The following BICRA variants were observed in gnomAD, a reference collection of about 807,000 sequenced individuals.
The protein encoded by BICRA is BRD4-interacting chromatin-remodeling complex-associated protein.
BICRA carries 31 observed loss-of-function variants against 96.9 expected under a neutral mutation model. The ratio of observed to expected loss-of-function variants is 0.32; its 90% CI spans 0.24 to 0.43. BICRA has a LOEUF of 0.43. BICRA is among the 20% of genes least tolerant of loss of function. The probability of loss-of-function intolerance (pLI) is 1.00; values close to 1 mark genes in which losing one functional copy is unlikely to be tolerated. For synonymous variants in BICRA, 1,350 were observed against 1,071.8 expected, an observed-to-expected ratio of 1.26 and a Z score of -5.07; for missense variants, 2,283 against 2,190.3, an observed-to-expected ratio of 1.04 and a Z score of -0.84.
intron 9 of BICRA, 23 bp from the exon 10 acceptor site, chr19:47,695,342 T>TCGGGCCCCCCCCCCCCCCCCCCCCC: frequency 3.2e-6 from 2 of 630,150 alleles, no homozygotes; most frequent in East Asian, 2.8e-5. Flanking sequence ...AGGCCCTGTC[T>TCGGGCCCCCCCCCCCCCCCCCCCCC]CCCCCACCCC....
chr19:47,644,264 A>G (rs2123539207), intron 1 of BICRA, among the ~76,000 whole-genome samples: 1 of 151,434 alleles, frequency 6.6e-6, no homozygotes, highest in East Asian at 1.9e-4. Flanking sequence ...GCCTCAAGTG[A>G]TTCTCCTGCC....
intron 7 of BICRA, among the ~76,000 whole-genome samples, chr19:47,689,987 T>A (rs764061780): frequency 6.6e-6 from 1 of 152,048 alleles, no homozygotes; most frequent in Non-Finnish European, 1.5e-5. Context: ...GGAAACAACT[T>A]GTTCACCTGT....
In BICRA at chr19:47,695,516, T is replaced by C. The variant is rs377646742; in HGVS notation, c.3186+42T>C. 3 of 938,976 alleles carry C rather than the reference T, an allele frequency of 3.2e-6. No homozygotes were observed. In the Admixed American group the frequency reaches 6.6e-5, roughly 21 times the overall value. 58.2% of individuals were successfully genotyped at this position (938,976 alleles called of 1,614,324 possible). On this transcript the variant is annotated intron_variant, in intron 10 of 14. Transcript: ENST00000594866. Reference sequence around the variant, plus strand: ...GCAGGGGTCAGGACAGGACCAGGAGTCTTCGGGAACTGGGAACTGGGGCTG... The same window carrying C: ...GCAGGGGTCAGGACAGGACCAGGAGCCTTCGGGAACTGGGAACTGGGGCTG...
chr19:47,680,436 C>T lies in BICRA; in HGVS notation c.1266C>T (p.Asn422=). ...SGFPAPALQA[N]VFKQPPATTT... ...TCCCCGCGCCTGCGCTGCAAGCGAACGTCTTCAAGCAGCCACCGGCCACCA... is the reference window on the plus strand; with the variant it reads ...TCCCCGCGCCTGCGCTGCAAGCGAATGTCTTCAAGCAGCCACCGGCCACCA... Residue 422 remains asparagine (N), a synonymous_variant, in exon 6 of 15, where the codon AAC becomes AAT. Coordinates refer to ENST00000594866, the MANE Select transcript of BICRA (RefSeq NM_001394372.1). The T allele has an allele frequency of 1.3e-6, 2 of 1,537,916 alleles. No homozygotes were observed. The highest frequency in any genetic ancestry group is 8.7e-7 in the Non-Finnish European group (1 of 1,145,998).
rs756024264 is a variant in BICRA, at chr19:47,701,885, C to T, written c.4153C>T (p.Leu1385=). ...GGGCACCGCCCCGCACTGCCCGCGCCTGCCACTGCGCAAGACCTACCGCGA... is the reference window on the plus strand; with the variant it reads ...GGGCACCGCCCCGCACTGCCCGCGCTTGCCACTGCGCAAGACCTACCGCGA... ...PLGTAPHCPR[L]PLRKTYRENV... The change falls in exon 15 of 15, where the codon CTG becomes TTG. Residue 1385 remains leucine, a synonymous_variant. Transcript: ENST00000594866. The surrounding 1 kb of genome is among the most constrained non-coding windows in gnomAD (Gnocchi z 5.4). 39 of 1,468,126 alleles carry T rather than the reference C, an allele frequency of 2.7e-5. No homozygotes were observed. The Middle Eastern group carries it at 5.7e-4, about 21-fold the overall frequency. 90.9% of individuals were successfully genotyped at this position (1,468,126 alleles called of 1,614,324 possible). A position where few individuals can be genotyped will look rare whatever the true frequency, so the allele number is the denominator to read the frequency against.
At position 47,702,671 on chromosome 19, in the gene BICRA, T is replaced by G. The variant is rs947810028; in HGVS notation, c.*256T>G. 10 of 502,604 alleles carry G rather than the reference T, an allele frequency of 2.0e-5. No individual in the cohort carries two copies. The highest frequency in any genetic ancestry group is 3.4e-5 in the Non-Finnish European group (10 of 289,920). 31.1% of individuals were successfully genotyped at this position (502,604 alleles called of 1,614,324 possible). A position where few individuals can be genotyped will look rare whatever the true frequency, so the allele number is the denominator to read the frequency against. On this transcript the variant is annotated 3_prime_UTR_variant, in exon 15 of 15. Coordinates refer to ENST00000594866, the MANE Select transcript of BICRA (RefSeq NM_001394372.1). ...AGGAGGGGCAAAGTGCTGTGTCAGT[T>G]CCTGTTTCTTCCCATTTCCTGGCAC...
At chr19:47,631,938 T>C (rs927091643) in intron 1 of BICRA, among the ~76,000 whole-genome samples, 3 of 152,230 alleles carry the variant, frequency 2.0e-5, no homozygotes, top group African/African-American at 7.2e-5. Flanking sequence ...CATGAGCTAC[T>C]GCGCCCGGCC....
Position 47,698,913 on chromosome 19 carries a change from T to G in BICRA, c.3398-52T>G. On this transcript the variant is annotated intron_variant, in intron 12 of 14. Transcript: ENST00000594866. The surrounding 1 kb of genome is among the most constrained non-coding windows in gnomAD (Gnocchi z 4.8). ...CCTGCCCCGCCCTCCTTCCTGCGCA[T>G]CCGCGGCCGCCCCCAACATCTCCGC... 3 of 1,431,396 alleles carry G rather than the reference T, an allele frequency of 2.1e-6. No individual in the cohort carries two copies. Among genetic ancestry groups the G allele is most frequent in the Non-Finnish European group, 2.9e-6 (3 of 1,036,208 alleles). 88.7% of individuals were successfully genotyped at this position (1,431,396 alleles called of 1,614,324 possible).
At chr19:47,638,781 A>G (rs1171604638) in intron 1 of BICRA, among the ~76,000 whole-genome samples, 1 of 151,908 alleles carries the variant, frequency 6.6e-6, no homozygotes. Flanking sequence ...CAGCCTCCCA[A>G]GTAGCTGGGA....
chr19:47,672,910 C>G (rs1263157005), intron 2 of BICRA, among the ~76,000 whole-genome samples: 1 of 152,056 alleles, frequency 6.6e-6, no homozygotes, highest in Non-Finnish European at 1.5e-5. Flanking sequence ...AGCGCCCCTC[C>G]TCATGAGCCC....
rs1973379006 is a variant in BICRA, at chr19:47,698,264, G to A, written c.3249-370G>A. Among the ~76,000 whole-genome samples, 1 of 152,136 alleles carries A rather than the reference G, an allele frequency of 6.6e-6. No homozygotes were observed. The highest frequency in any genetic ancestry group is 2.4e-5 in the African/African-American group (1 of 41,420). On this transcript the variant is annotated intron_variant, in intron 11 of 14. Transcript: ENST00000594866. The surrounding 1 kb of genome is among the most constrained non-coding windows in gnomAD (Gnocchi z 4.8). ...CCTTCTTCCCGAAGGCTGCACTTTGGAGGAGGCACGGTGGAGCCACACTGG... is the reference window on the plus strand; with the variant it reads ...CCTTCTTCCCGAAGGCTGCACTTTGAAGGAGGCACGGTGGAGCCACACTGG...
At chr19:47,629,163 G>A (rs949705706) in intron 1 of BICRA, among the ~76,000 whole-genome samples, 1 of 151,966 alleles carries the variant, frequency 6.6e-6, no homozygotes, top group Non-Finnish European at 1.5e-5. Context: ...CACCACGCCC[G>A]GCTAATTTTT....
At chr19:47,634,756 A>ATTTTTTTT (rs57492096) in intron 1 of BICRA, among the ~76,000 whole-genome samples, 2 of 120,296 alleles carry the variant, frequency 1.7e-5, no homozygotes, top group Non-Finnish European at 3.4e-5. Flanking sequence ...TTAAAATTAA[A>ATTTTTTTT]TTTTTTTTTT....
At chr19:47,623,888 G>C (rs373494418) in intron 1 of BICRA, among the ~76,000 whole-genome samples, 2 of 138,238 alleles carry the variant, frequency 1.4e-5, no homozygotes, top group Admixed American at 1.5e-4. Flanking sequence ...TTTAGTTCTT[G>C]TTGCCCAGGC....
At chr19:47,610,197 T>TGGA (rs574676215) in intron 1 of BICRA, among the ~76,000 whole-genome samples, 2 of 152,012 alleles carry the variant, frequency 1.3e-5, no homozygotes, top group South Asian at 4.2e-4. Flanking sequence ...GAGGGAGGGA[T>TGGA]GGAGGAGGAG....
intron 7 of BICRA, among the ~76,000 whole-genome samples, chr19:47,683,463 G>T (rs928545765): frequency 6.6e-6 from 1 of 152,084 alleles, no homozygotes; most frequent in African/African-American, 2.4e-5. Flanking sequence ...GTAAAATCTG[G>T]GTTGCTGTCA....
chr19:47,641,070 ATTTTT>A (rs71180861), intron 1 of BICRA, among the ~76,000 whole-genome samples: 4 of 104,546 alleles, frequency 3.8e-5, no homozygotes, highest in African/African-American at 7.8e-5. Flanking sequence ...TGCCTGGCTA[ATTTTT>A]TTTTTTTTTT....
At chr19:47,681,363 A>C in intron 6 of BICRA, 87 bp downstream of exon 6, 3 of 1,201,932 alleles carry the variant, frequency 2.5e-6, no homozygotes, top group Non-Finnish European at 3.5e-6. Flanking sequence ...CAAGATCCAA[A>C]AGTGGATGCC....
At chr19:47,620,648 C>T (rs770092500) in intron 1 of BICRA, among the ~76,000 whole-genome samples, 2 of 115,718 alleles carry the variant, frequency 1.7e-5, no homozygotes, top group Non-Finnish European at 3.3e-5. Context: ...TTAGCTTGGG[C>T]GACAGAGTGA....
Sources: gnomAD v4.1 joint callset for allele counts (sites outside exome capture counted in the v4.1 genomes callset) on GRCh38, gnomAD v4.1.1 for gene constraint, Gnocchi (gnomAD v3.1) non-coding constraint, MANE v1.5 for transcripts, NCBI Gene and HGNC (gene_info 2026-07-23, HGNC 2026-07-21) for gene names.